CLSTN3: variants seen among roughly 807,000 people sequenced by gnomAD.
The protein encoded by CLSTN3 is calsyntenin 3.
CLSTN3 carries 36 observed loss-of-function variants against 95.9 expected under a neutral mutation model. That is an observed-to-expected ratio of 0.38 (90% confidence interval 0.29 to 0.50). The LOEUF is 0.50. Among genes scored for constraint, CLSTN3 ranks in the 20% least tolerant of loss-of-function variants. CLSTN3 has a pLI of 0.95. For synonymous variants in CLSTN3, 481 were observed against 504.0 expected (o/e 0.95, Z 0.61); for missense variants, 1,084 against 1,268.8 (o/e 0.85, Z 2.21).
intron 8 of CLSTN3, chr12:7,138,786 TTTC>T (rs1220339109): frequency 6.7e-6 from 1 of 150,090 alleles, no homozygotes; most frequent in Non-Finnish European, 1.5e-5. Flanking sequence ...CCTCCTTCTG[TTTC>T]TCTTGCAAGT....
intron 16 of CLSTN3, among the ~76,000 whole-genome samples, chr12:7,153,179 A>G (rs1446305184): frequency 1.3e-5 from 2 of 152,164 alleles, no homozygotes; most frequent in Non-Finnish European, 2.9e-5. Context: ...AGGGAGAGAC[A>G]GGGTCTTGTT....
chr12:7,131,947 G>A, intron 1 of CLSTN3: 1 of 455,672 alleles, frequency 2.2e-6, no homozygotes. Context: ...GTTCCTTTTG[G>A]TGACTCAGTT....
Position 7,146,683 on chromosome 12 carries a change from G to A in CLSTN3, c.1848-2289G>A, listed in dbSNP as rs530206329. On this transcript the variant is annotated intron_variant, in intron 12 of 17. Transcript: ENST00000266546. ...TGGTTGTTTGTTCCACTCATATGGC[G>A]ATGACCATATTTGCCTTTCTTTTAA... is the stretch of plus-strand genomic sequence containing the variant. Among the ~76,000 whole-genome samples the A allele has an allele frequency of 1.8e-4, 27 of 152,234 alleles. No homozygotes were observed. The South Asian group carries it at 4.6e-3, about 26-fold the overall frequency.
rs1460649939 is a variant in CLSTN3, at chr12:7,133,580, C to A, written c.195C>A (p.Ile65=). The A allele has an allele frequency of 6.2e-7, 1 of 1,614,022 alleles. No homozygotes were observed. The change falls in exon 3 of 18, where the codon ATC becomes ATA. Residue 65 remains isoleucine (I), a synonymous_variant. Coordinates refer to ENST00000266546, the MANE Select transcript of CLSTN3 (RefSeq NM_014718.4). The surrounding 1 kb of genome is among the most constrained non-coding windows in gnomAD (Gnocchi z 4.7). ...CCTTCTCCCCTTTGCCAGGTGAGAT[C>A]TGCGGCTTCCGGCTCCATGGGTCTG... ...KDAPLRYAGE[I]CGFRLHGSGV...
chr12:7,131,332 AG>A, intron 1 of CLSTN3: 1 of 220,118 alleles, frequency 4.5e-6, no homozygotes, highest in Non-Finnish European at 9.2e-6. Flanking sequence ...GACGGGAGGG[AG>A]GGCTTGCGGG....
intron 4 of CLSTN3, 42 bp downstream of exon 4, chr12:7,135,577 G>A (rs1253695953): frequency 1.9e-6 from 3 of 1,593,560 alleles, no homozygotes; most frequent in African/African-American, 2.7e-5. Context: ...AGTTCCCCTT[G>A]AGCACCCACC....
rs770302756 is a variant in CLSTN3, at chr12:7,141,510, C to T, written c.1486+106C>T. 3.4e-6 allele frequency: 4 copies of T among 1,169,934 alleles called. No individual in the cohort carries two copies. In the East Asian group the frequency reaches 7.0e-5, roughly 20 times the overall value. 72.5% of individuals were successfully genotyped at this position (1,169,934 alleles called of 1,614,324 possible). On this transcript the variant is annotated intron_variant, in intron 9 of 17. Transcript: ENST00000266546. The surrounding 1 kb of genome is among the most constrained non-coding windows in gnomAD (Gnocchi z 4.1). ...CAGCAGCTGAGGCCGCCTCCTGCAT[C>T]TCTCTGCAGCTGTGCAGGGTGACTC...
Position 7,141,414 on chromosome 12 carries a change from T to A in CLSTN3, c.1486+10T>A. On this transcript the variant is annotated intron_variant, in intron 9 of 17. Coordinates refer to ENST00000266546, the MANE Select transcript of CLSTN3 (RefSeq NM_014718.4). This position sits in a 1 kb window ranked among gnomAD's most constrained non-coding sequence, Gnocchi z 4.1. The stretch of plus-strand genomic sequence containing the variant: ...GGGGCCTGCTGGACTGGTAAGCTTC[T>A]CAGTGAAGACTCCAGTGGTTCAGGA... The A allele has an allele frequency of 6.2e-7, 1 of 1,614,114 alleles. No homozygotes were observed.
chr12:7,156,356 GAGGC>G (rs753828047), intron 16 of CLSTN3: 7 of 457,144 alleles, frequency 1.5e-5, no homozygotes, highest in South Asian at 1.1e-4. Flanking sequence ...GTGTGTGCAG[GAGGC>G]AGGCAGGGCT....
At chr12:7,152,031 G>A (rs989295732) in intron 16 of CLSTN3, among the ~76,000 whole-genome samples, 3 of 147,548 alleles carry the variant, frequency 2.0e-5, no homozygotes, top group African/African-American at 7.5e-5. Context: ...TCCAGTCTGG[G>A]AGACAGAGCA....
chr12:7,135,522 C>G lies in CLSTN3; in HGVS notation c.579C>G (p.Leu193=), dbSNP rs1312305750. The G allele has an allele frequency of 1.2e-6, 2 of 1,614,024 alleles. No homozygotes were observed. The highest frequency in any genetic ancestry group is 2.7e-5 in the African/African-American group (2 of 74,900). ...TTCTCACACCCAACACCCCTTTCCTCATTGACAATGACGGTGAGTCCACCC... is the reference window on the plus strand; with the variant it reads ...TTCTCACACCCAACACCCCTTTCCTGATTGACAATGACGGTGAGTCCACCC... ...YEILTPNTPF[L]IDNDGNIENT... The change falls in exon 4 of 18, where the codon CTC becomes CTG. Residue 193 remains leucine (L), a synonymous_variant. Coordinates refer to ENST00000266546, the MANE Select transcript of CLSTN3 (RefSeq NM_014718.4).
At position 7,137,795 on chromosome 12, in the gene CLSTN3, T is replaced by TGTGTGTGTGTGA. The variant is rs768487238; in HGVS notation, c.1211-159_1211-158insTGTGTGTGTGAG. ...GTGTGTGTGTGTGTGTGTGTGTGTG[T>TGTGTGTGTGTGA]GAGAGAGAGAGAGAGAGAGAGAGAG... On this transcript the variant is annotated intron_variant, in intron 7 of 17. Coordinates refer to ENST00000266546, the MANE Select transcript of CLSTN3 (RefSeq NM_014718.4). The surrounding 1 kb of genome is among the most constrained non-coding windows in gnomAD (Gnocchi z 4.4). Among the ~76,000 whole-genome samples, 610 of 70,660 alleles carry TGTGTGTGTGTGA rather than the reference T, an allele frequency of 8.6e-3. 7 individuals carry two copies. The highest frequency in any genetic ancestry group is 0.015 in the South Asian group (20 of 1,304). The allele number at this position is 70,660 out of a possible 152,430, so 46.4% of individuals were successfully genotyped here.
rs1258326908 is a variant in CLSTN3 at position 7,155,994 on chromosome 12, G to A, written c.2528-1495G>A. On this transcript the variant is annotated intron_variant, in intron 16 of 17. Transcript: ENST00000266546. ...GCTCCTGGGCCATGCGCTTCCCTAC[G>A]CTCTGCTCTGTCTGTTGACACATGA... 9 of 345,660 alleles carry A rather than the reference G, an allele frequency of 2.6e-5. No individual in the cohort carries two copies. The Admixed American group carries it at 2.8e-4, about 11-fold the overall frequency. 21.4% of individuals were successfully genotyped at this position (345,660 alleles called of 1,614,324 possible). A position where few individuals can be genotyped will look rare whatever the true frequency, so the allele number is the denominator to read the frequency against.
In CLSTN3 at chr12:7,151,067, C is replaced by T. The variant is rs767458248; in HGVS notation, c.2527+4C>T. The stretch of plus-strand genomic sequence containing the variant: ...GCCAGCTCCCACAGAAACTCCAGTA[C>T]GTAAGCCTGGTGGGGCTGGGCAGGG... On this transcript the variant is annotated splice_donor_region_variant and intron_variant, in intron 16 of 17. Coordinates refer to ENST00000266546, the MANE Select transcript of CLSTN3 (RefSeq NM_014718.4). The T allele has an allele frequency of 5.0e-5, 79 of 1,581,622 alleles. No individual in the cohort carries two copies. Among genetic ancestry groups the T allele is most frequent in the Middle Eastern group, 1.7e-4 (1 of 5,946 alleles).
rs1008095234 is a variant in CLSTN3 at position 7,141,639 on chromosome 12, C to T, written c.1486+235C>T. 6.6e-6 allele frequency among the ~76,000 whole-genome samples: 1 copy of T among 152,210 alleles called. No individual in the cohort carries two copies. Among genetic ancestry groups the T allele is most frequent in the Non-Finnish European group, 1.5e-5 (1 of 68,040 alleles). ...GAGGAATTAACTTCTCACGCATCCC[C>T]AGACTCTCTCTCTGTAACTCCAGCC... is the stretch of plus-strand genomic sequence containing the variant. On this transcript the variant is annotated intron_variant, in intron 9 of 17. Coordinates refer to ENST00000266546, the MANE Select transcript of CLSTN3 (RefSeq NM_014718.4). The surrounding 1 kb of genome is among the most constrained non-coding windows in gnomAD (Gnocchi z 4.1).
chr12:7,144,378 G>A (rs1165284306), intron 12 of CLSTN3, among the ~76,000 whole-genome samples: 1 of 152,070 alleles, frequency 6.6e-6, no homozygotes, highest in East Asian at 1.9e-4. Context: ...GAGAGGCAAC[G>A]AAAGTATGAT....
rs914720907 is a variant in CLSTN3, at chr12:7,136,644, G to C, written c.929-185G>C. ...AGGGCGAGATGAAGAGTTGGAGAAT[G>C]GGTTAACTGGAGAGATACTCTTAGA... On this transcript the variant is annotated intron_variant, in intron 6 of 17. Transcript: ENST00000266546. 6.6e-5 allele frequency among the ~76,000 whole-genome samples: 10 copies of C among 152,342 alleles called. No homozygotes were observed. The South Asian group carries it at 1.9e-3, about 28-fold the overall frequency.
In CLSTN3 at chr12:7,150,483, A is replaced by T. The variant is rs766509828; in HGVS notation, c.2246-61A>T. 1 of 1,563,366 alleles carries T rather than the reference A, an allele frequency of 6.4e-7. No individual in the cohort carries two copies. Among genetic ancestry groups the T allele is most frequent in the South Asian group, 1.2e-5 (1 of 86,570 alleles). ...GTCAGCTGGTGGGAGTCCAGGAGAG[A>T]GGGTCCTGCCCAGGTCCTGCCTCCA... is the stretch of plus-strand genomic sequence containing the variant. On this transcript the variant is annotated intron_variant, in intron 14 of 17. Transcript: ENST00000266546. The surrounding 1 kb of genome is among the most constrained non-coding windows in gnomAD (Gnocchi z 4.0).
upstream of CLSTN3, chr12:7,129,760 G>T: frequency 1.0e-6 from 1 of 985,664 alleles, no homozygotes; most frequent in Middle Eastern, 5.2e-4. This position sits in a 1 kb window ranked among gnomAD's most constrained non-coding sequence, Gnocchi z 5.5. Context: ...GTTCATCATG[G>T]TTTAAGGTGA....
Sources: gnomAD v4.1 joint callset for allele counts (sites outside exome capture counted in the v4.1 genomes callset) on GRCh38, gnomAD v4.1.1 for gene constraint, Gnocchi (gnomAD v3.1) non-coding constraint, MANE v1.5 for transcripts, NCBI Gene and HGNC (gene_info 2026-07-23, HGNC 2026-07-21) for gene names.